The following PCSK2 variants were observed in gnomAD, a reference collection of about 807,000 sequenced individuals.
The protein encoded by PCSK2 is proprotein convertase subtilisin/kexin type 2, also known as neuroendocrine convertase 2.
PCSK2 carries 14 observed loss-of-function variants against 69.7 expected under a neutral mutation model. That is an observed-to-expected ratio of 0.20 (90% CI 0.13 to 0.31). The LOEUF (loss-of-function observed/expected upper bound fraction) is 0.31, where lower values mean the gene tolerates loss of function less well. PCSK2 is among the 10% of genes least tolerant of loss of function. The pLI is 1.00. For missense variants in PCSK2, 544 were observed against 842.5 expected (o/e 0.65, Z 4.39); for synonymous variants, 307 against 320.7 (o/e 0.96, Z 0.46).
At chr20:17,380,878 G>A (rs2031069004) in intron 5 of PCSK2, among the ~76,000 whole-genome samples, 1 of 152,194 alleles carries the variant, frequency 6.6e-6, no homozygotes, top group African/African-American at 2.4e-5. Context: ...CTAACAACTA[G>A]TGTGTTATTC....
At chr20:17,478,374 A>G (rs969950440) in intron 11 of PCSK2, among the ~76,000 whole-genome samples, 12 of 152,188 alleles carry the variant, frequency 7.9e-5, no homozygotes, top group African/African-American at 2.7e-4. Context: ...TTTGTTCCAC[A>G]TGGAATGAAT....
intron 2 of PCSK2, among the ~76,000 whole-genome samples, chr20:17,265,117 G>A (rs1987544789): frequency 6.6e-6 from 1 of 152,160 alleles, no homozygotes; most frequent in African/African-American, 2.4e-5. Context: ...ACCCGCCTTG[G>A]CCTCCCAAAA....
At position 17,332,209 on chromosome 20, in the gene PCSK2, G is replaced by A. The variant is rs181620190; in HGVS notation, c.283-26118G>A. 3.9e-3 allele frequency among the ~76,000 whole-genome samples: 589 copies of A among 152,310 alleles called. 2 individuals carry two copies. Among genetic ancestry groups the A allele is most frequent in the Admixed American group, 8.0e-3 (122 of 15,298 alleles). ...GACTGGTTGAGGTTTGGCTGATCTA[G>A]GGTGGACTCAGCTTGGGATGGCTTT... On this transcript the variant is annotated intron_variant, in intron 2 of 11. Coordinates refer to ENST00000262545, the MANE Select transcript of PCSK2 (RefSeq NM_002594.5).
intron 1 of PCSK2, among the ~76,000 whole-genome samples, chr20:17,244,692 G>A (rs189615555): frequency 1.3e-5 from 2 of 152,198 alleles, no homozygotes; most frequent in Admixed American, 1.3e-4. Context: ...TCTTCACAAT[G>A]GTTACTCAAG....
intron 2 of PCSK2, among the ~76,000 whole-genome samples, chr20:17,340,687 GT>G: frequency 6.6e-6 from 1 of 152,180 alleles, no homozygotes. Flanking sequence ...ATTTCTTCTG[GT>G]TCTTACGCTT....
chr20:17,269,264 G>A (rs1053818432), intron 2 of PCSK2, among the ~76,000 whole-genome samples: 17 of 152,102 alleles, frequency 1.1e-4, no homozygotes, highest in African/African-American at 4.1e-4. Context: ...GCTTACCTAC[G>A]AAATGAGTGT....
At chr20:17,329,914 G>A (rs138464376) in intron 2 of PCSK2, among the ~76,000 whole-genome samples, 129 of 152,098 alleles carry the variant, frequency 8.5e-4, no homozygotes, top group Non-Finnish European at 1.5e-3. Context: ...CATTAGTTTG[G>A]TATCTATCTT....
chr20:17,267,141 G>A (rs1987645653), intron 2 of PCSK2, among the ~76,000 whole-genome samples: 1 of 152,106 alleles, frequency 6.6e-6, no homozygotes, highest in Non-Finnish European at 1.5e-5. Flanking sequence ...CCCTTTTCCA[G>A]AGATTGAACT....
At chr20:17,341,002 C>T (rs1411482279) in intron 2 of PCSK2, among the ~76,000 whole-genome samples, 1 of 152,152 alleles carries the variant, frequency 6.6e-6, no homozygotes, top group African/African-American at 2.4e-5. Flanking sequence ...GTAATCCCAG[C>T]ACTTTGGGAG....
chr20:17,452,521 C>T (rs576620198), intron 8 of PCSK2, among the ~76,000 whole-genome samples: 26 of 152,208 alleles, frequency 1.7e-4, no homozygotes, highest in Middle Eastern at 3.2e-3. Context: ...CTTCTCCACT[C>T]TTAAACCACT....
intron 2 of PCSK2, among the ~76,000 whole-genome samples, chr20:17,312,322 A>G (rs751850930): frequency 1.2e-4 from 18 of 152,156 alleles, no homozygotes; most frequent in Non-Finnish European, 2.1e-4. Context: ...TCTAGAAGTA[A>G]ATCCTCTTTT....
chr20:17,422,595 TAGA>T (rs1359650964), intron 6 of PCSK2, among the ~76,000 whole-genome samples: 4 of 147,424 alleles, frequency 2.7e-5, no homozygotes, highest in Admixed American at 6.8e-5. Context: ...GTGGCCAAAA[TAGA>T]AGAAGACAAG....
intron 10 of PCSK2, chr20:17,464,284 A>C (rs928438777): frequency 6.6e-6 from 1 of 152,192 alleles, no homozygotes; most frequent in African/African-American, 2.4e-5. Context: ...CTGGCCCAAA[A>C]ACAAATCATG....
intron 2 of PCSK2, among the ~76,000 whole-genome samples, chr20:17,352,718 G>T (rs1193233582): frequency 6.6e-6 from 1 of 152,140 alleles, no homozygotes; most frequent in African/African-American, 2.4e-5. Flanking sequence ...TTGAAGATTT[G>T]AAAGTAAGAC....
chr20:17,239,249 C>A (rs532840759), intron 1 of PCSK2, among the ~76,000 whole-genome samples: 20 of 152,318 alleles, frequency 1.3e-4, no homozygotes, highest in African/African-American at 4.3e-4. Context: ...ACCACCAATT[C>A]TCTTCAGTGA....
intron 5 of PCSK2, among the ~76,000 whole-genome samples, chr20:17,401,781 G>A (rs2031643005): frequency 6.6e-6 from 1 of 152,150 alleles, no homozygotes; most frequent in Admixed American, 6.5e-5. Context: ...TAATAATACT[G>A]TTGTTTGTAC....
At chr20:17,365,449 A>T (rs1387303285) in intron 4 of PCSK2, among the ~76,000 whole-genome samples, 1 of 152,102 alleles carries the variant, frequency 6.6e-6, no homozygotes, top group Non-Finnish European at 1.5e-5. Flanking sequence ...GCCCGCAAGC[A>T]CCACCCCCCC....
chr20:17,281,782 A>G (rs1988324672), intron 2 of PCSK2, among the ~76,000 whole-genome samples: 1 of 152,150 alleles, frequency 6.6e-6, no homozygotes, highest in Admixed American at 6.5e-5. Flanking sequence ...CTTTTCTTGC[A>G]GGAATGGGAA....
intron 2 of PCSK2, among the ~76,000 whole-genome samples, chr20:17,261,759 C>T (rs1488284278): frequency 6.6e-6 from 1 of 152,126 alleles, no homozygotes; most frequent in Non-Finnish European, 1.5e-5. Context: ...AGACAAAGAT[C>T]ACCCTGGTGC....
Sources: gnomAD v4.1 joint callset for allele counts (sites outside exome capture counted in the v4.1 genomes callset) on GRCh38, gnomAD v4.1.1 for gene constraint, MANE v1.5 for transcripts, NCBI Gene and HGNC (gene_info 2026-07-23, HGNC 2026-07-21) for gene names.